The following CCDC195 variants were observed in gnomAD, a reference collection of about 807,000 sequenced individuals.
The protein encoded by CCDC195 is coiled-coil domain containing 195, also known as coiled-coil domain-containing protein 195.
intron 1 of CCDC195, among the ~76,000 whole-genome samples, chr2:224,713,241 A>G (rs1045892263): frequency 2.0e-5 from 3 of 152,188 alleles, no homozygotes; most frequent in African/African-American, 7.2e-5. Context: ...GATGTTGGCA[A>G]TTACTATTAA....
At chr2:224,705,008 T>A (rs958621226) in intron 2 of CCDC195, among the ~76,000 whole-genome samples, 1 of 152,154 alleles carries the variant, frequency 6.6e-6, no homozygotes, top group African/African-American at 2.4e-5. Context: ...CACTGCCACT[T>A]GGTGAGCGGT....
intron 2 of CCDC195, among the ~76,000 whole-genome samples, chr2:224,708,007 C>T (rs62188712): frequency 0.23 from 11,646 of 49,600 alleles, 1,075 homozygotes; most frequent in East Asian, 0.38. Flanking sequence ...TCCCTTCCTT[C>T]CTTTCTTCCT....
chr2:224,711,836 G>A (rs1249058224), intron 1 of CCDC195, among the ~76,000 whole-genome samples: 1 of 152,140 alleles, frequency 6.6e-6, no homozygotes. Context: ...TGTAGGAGAG[G>A]TCTAGGGAGA....
intron 1 of CCDC195, 80 bp from the exon 2 acceptor site, chr2:224,710,299 T>A (rs1421607497): frequency 2.5e-6 from 1 of 397,654 alleles, no homozygotes; most frequent in African/African-American, 2.1e-5. Flanking sequence ...AGAATTTTAT[T>A]GAAACTAACT....
At chr2:224,712,476 G>T (rs575485681) in intron 1 of CCDC195, among the ~76,000 whole-genome samples, 1 of 152,298 alleles carries the variant, frequency 6.6e-6, no homozygotes, top group African/African-American at 2.4e-5. Context: ...TTCCGAGCAG[G>T]CACTCTGCAT....
chr2:224,709,509 A>T (rs1689282902), intron 2 of CCDC195, among the ~76,000 whole-genome samples: 2 of 152,174 alleles, frequency 1.3e-5, no homozygotes, highest in African/African-American at 4.8e-5. Context: ...AATTTCCCCT[A>T]ACGCCCACTA....
At chr2:224,715,930 G>A (rs1422580850) in intron 1 of CCDC195, among the ~76,000 whole-genome samples, 1 of 152,170 alleles carries the variant, frequency 6.6e-6, no homozygotes, top group Non-Finnish European at 1.5e-5. Context: ...AGTAATTTTA[G>A]TGTTGCTATA....
chr2:224,707,690 C>T (rs150705700), intron 2 of CCDC195, among the ~76,000 whole-genome samples: 27 of 152,300 alleles, frequency 1.8e-4, no homozygotes, highest in African/African-American at 5.1e-4. Context: ...TTTGACAATT[C>T]GGTTTCCTGC....
chr2:224,712,289 C>T (rs992591411), intron 1 of CCDC195, among the ~76,000 whole-genome samples: 2 of 152,186 alleles, frequency 1.3e-5, no homozygotes, highest in African/African-American at 4.8e-5. Flanking sequence ...AATCAGAGGT[C>T]CAGCAATGCT....
At chr2:224,709,086 C>CT (rs35179742) in intron 2 of CCDC195, among the ~76,000 whole-genome samples, 5,340 of 95,746 alleles carry the variant, frequency 0.056, 430 homozygotes, top group African/African-American at 0.15. Flanking sequence ...TTTCTTTTGT[C>CT]TTTTTTTTTT....
At position 224,707,594 on chromosome 2, in the gene CCDC195, C is replaced by A. The variant is rs551441338; in HGVS notation, c.482+2379G>T. Among the ~76,000 whole-genome samples the A allele has an allele frequency of 1.7e-4, 26 of 152,320 alleles. No individual in the cohort carries two copies. In the East Asian group the frequency reaches 2.1e-3, roughly 12 times the overall value. On this transcript the variant is annotated intron_variant, in intron 2 of 2. Transcript: ENST00000638102. Reference sequence around the variant, plus strand: ...TTATTTTTTGCTTTGGTACTTAACACCGTCTAACATAATATACACTTCATA... The same window carrying A: ...TTATTTTTTGCTTTGGTACTTAACAACGTCTAACATAATATACACTTCATA...
chr2:224,710,131 G>GT lies in CCDC195; in HGVS notation c.323dup (p.His108GlnfsTer22). 1 of 398,560 alleles carries GT rather than the reference G, an allele frequency of 2.5e-6. No individual in the cohort carries two copies. The highest frequency in any genetic ancestry group is 4.4e-6 in the Non-Finnish European group (1 of 226,068). The allele number at this position is 398,560 out of a possible 1,614,324, so 24.7% of individuals were successfully genotyped here. The stretch of plus-strand genomic sequence containing the variant: ...GACCTTCTAGAATTCCGCTCTTTGG[G>GT]TGACTTTTCCCAGATTTCCAGGGAT... On this transcript the variant is annotated frameshift_variant, in exon 2 of 3. Transcript: ENST00000638102. LOFTEE classifies it high-confidence loss of function.
At chr2:224,713,531 A>G (rs1689346653) in intron 1 of CCDC195, among the ~76,000 whole-genome samples, 1 of 152,144 alleles carries the variant, frequency 6.6e-6, no homozygotes, top group African/African-American at 2.4e-5. Context: ...ACTTATTTTT[A>G]CATGAGGATG....
At chr2:224,708,989 G>T (rs1419133515) in intron 2 of CCDC195, among the ~76,000 whole-genome samples, 2 of 151,992 alleles carry the variant, frequency 1.3e-5, no homozygotes, top group African/African-American at 4.8e-5. Context: ...GATGTTAGAG[G>T]ACTTGACTCT....
intron 1 of CCDC195, among the ~76,000 whole-genome samples, chr2:224,712,310 G>T (rs1438091188): frequency 6.6e-6 from 1 of 152,188 alleles, no homozygotes; most frequent in Non-Finnish European, 1.5e-5. Context: ...GTAAAGGGTT[G>T]TTTCTTTTAT....
At chr2:224,714,538 C>G (rs1689358486) in intron 1 of CCDC195, among the ~76,000 whole-genome samples, 1 of 152,134 alleles carries the variant, frequency 6.6e-6, no homozygotes, top group South Asian at 2.1e-4. Context: ...TGTGAGTACT[C>G]CAGCATCTAG....
intron 2 of CCDC195, among the ~76,000 whole-genome samples, chr2:224,707,912 TTTTC>T (rs1689236689): frequency 6.6e-6 from 1 of 151,478 alleles, no homozygotes; most frequent in African/African-American, 2.4e-5. Flanking sequence ...CCTTCCTTCC[TTTTC>T]TTTCTTCCTT....
At chr2:224,713,088 C>A in intron 1 of CCDC195, among the ~76,000 whole-genome samples, 1 of 152,084 alleles carries the variant, frequency 6.6e-6, no homozygotes, top group East Asian at 1.9e-4. Context: ...AGGATGGTCT[C>A]GATCTCCTGA....
chr2:224,715,103 AT>A (rs1689363992), intron 1 of CCDC195, among the ~76,000 whole-genome samples: 1 of 151,934 alleles, frequency 6.6e-6, no homozygotes, highest in Admixed American at 6.6e-5. Context: ...TAATTTTTGT[AT>A]TTTTAGTAGA....
Sources: allele counts gnomAD v4.1 joint callset (sites outside exome capture counted in the v4.1 genomes callset), GRCh38; gene constraint gnomAD v4.1.1; transcripts MANE v1.5; gene names NCBI Gene and HGNC (gene_info 2026-07-23, HGNC 2026-07-21).